Variants in SGCD observed in about 807,000 individuals in gnomAD.
SGCD encodes delta-sarcoglycan.
In SGCD, 18 loss-of-function variants were observed where a neutral mutation model predicts 36.6. The observed-to-expected ratio is 0.49, with a 90% CI of 0.34 to 0.73. The LOEUF (loss-of-function observed/expected upper bound fraction) is 0.73. Ranked by LOEUF, SGCD falls within the 30% of genes least tolerant of loss-of-function variation. SGCD has a pLI of 0.01. For missense variants in SGCD, 387 were observed against 346.7 expected (o/e 1.12, Z -0.92); for synonymous variants, 133 against 130.6 (o/e 1.02, Z -0.12).
chr5:155,813,409 C>A, the SGCD span, among the ~76,000 whole-genome samples: 3 of 152,106 alleles, frequency 2.0e-5, no homozygotes, highest in African/African-American at 7.2e-5. Flanking sequence ...AAGGCCTGCG[C>A]ATGCCTGAAT....
chr5:156,600,264 C>A (rs1488701701), intron 6 of SGCD, among the ~76,000 whole-genome samples: 1 of 152,136 alleles, frequency 6.6e-6, no homozygotes, highest in African/African-American at 2.4e-5. Flanking sequence ...CTTATTTCTC[C>A]TATCTAAATG....
At chr5:156,735,074 G>T (rs908283026) in intron 7 of SGCD, among the ~76,000 whole-genome samples, 5 of 152,160 alleles carry the variant, frequency 3.3e-5, no homozygotes, top group African/African-American at 9.7e-5. Flanking sequence ...GCTGCAGTTT[G>T]CTGGGGATCC....
rs1402541135 is a variant in SGCD at position 156,724,368 on chromosome 5, G to A, written c.576-33213G>A. Among the ~76,000 whole-genome samples, 3 of 152,348 alleles carry A rather than the reference G, an allele frequency of 2.0e-5. No individual in the cohort carries two copies. The East Asian group carries it at 5.8e-4, about 29-fold the overall frequency. On this transcript the variant is annotated intron_variant, in intron 7 of 8. Coordinates refer to ENST00000337851, the MANE Select transcript of SGCD (RefSeq NM_000337.6). ...GCCTGTAATCCCAGCACTTTGGGAG[G>A]CCGAGGCAGGCAGATCACGAGGTCA...
intron 4 of SGCD, among the ~76,000 whole-genome samples, chr5:156,511,610 A>G (rs1049068005): frequency 5.9e-5 from 9 of 152,108 alleles, no homozygotes; most frequent in Admixed American, 1.3e-4. Flanking sequence ...CTCAGATGTC[A>G]CCTGTTTAGA....
At chr5:155,997,046 C>T (rs1368738025) in intron 1 of SGCD, among the ~76,000 whole-genome samples, 2 of 152,056 alleles carry the variant, frequency 1.3e-5, no homozygotes, top group Admixed American at 6.6e-5. Context: ...TTTGGAAGGA[C>T]TTAACATTTG....
chr5:156,313,611 C>T (rs1767444981), intron 3 of SGCD, among the ~76,000 whole-genome samples: 1 of 152,006 alleles, frequency 6.6e-6, no homozygotes, highest in Non-Finnish European at 1.5e-5. Context: ...ATCTAAGTAC[C>T]TCCGAATGTC....
intron 3 of SGCD, among the ~76,000 whole-genome samples, chr5:156,411,196 G>T (rs1232087073): frequency 6.6e-6 from 1 of 152,128 alleles, no homozygotes; most frequent in Non-Finnish European, 1.5e-5. Flanking sequence ...TTCATAGCTC[G>T]TGAACCATCT....
At chr5:155,822,405 T>C in the SGCD span, among the ~76,000 whole-genome samples, 32 of 152,312 alleles carry the variant, frequency 2.1e-4, no homozygotes, top group Non-Finnish European at 4.4e-5. Context: ...TGCAGGCTGC[T>C]CACCTGTTCA....
In SGCD at chr5:156,087,454, C is replaced by T. The variant is rs151059033; in HGVS notation, c.-281-30424C>T. 1.7e-3 allele frequency among the ~76,000 whole-genome samples: 261 copies of T among 152,008 alleles called. 2 individuals carry two copies. Among genetic ancestry groups the T allele is most frequent in the African/African-American group, 6.0e-3 (247 of 41,450 alleles). On this transcript the variant is annotated intron_variant, in intron 1 of 9. Coordinates refer to the SGCD transcript ENST00000517913. ...AGGAGTTCGAGACCAGCCTCGCCAA[C>T]ATGGTGAAATCCCATATCTGCTAAA... is the stretch of plus-strand genomic sequence containing the variant.
intron 1 of SGCD, among the ~76,000 whole-genome samples, chr5:156,061,893 T>C (rs908979990): frequency 1.4e-5 from 2 of 142,232 alleles, no homozygotes; most frequent in East Asian, 3.9e-4. Flanking sequence ...GTAAAAGATA[T>C]TTGGTGATAA....
the SGCD span, among the ~76,000 whole-genome samples, chr5:155,800,685 A>G: frequency 6.6e-6 from 1 of 151,910 alleles, no homozygotes; most frequent in African/African-American, 2.4e-5. Flanking sequence ...AGCCCTTTCA[A>G]TTTTCAGCTG....
the SGCD span, among the ~76,000 whole-genome samples, chr5:155,834,981 A>G: frequency 3.6e-5 from 5 of 139,082 alleles, no homozygotes; most frequent in Admixed American, 2.9e-4. Flanking sequence ...GATTAAAGGC[A>G]TGTGCCACCA....
intron 3 of SGCD, among the ~76,000 whole-genome samples, chr5:156,464,216 A>ATTTTTTT (rs773294916): frequency 8.6e-6 from 1 of 116,294 alleles, no homozygotes; most frequent in Admixed American, 9.7e-5. Context: ...GAATCTACAT[A>ATTTTTTT]TTTTTTTTTT....
chr5:156,559,442 C>T (rs181537398), intron 4 of SGCD, among the ~76,000 whole-genome samples: 4 of 152,252 alleles, frequency 2.6e-5, no homozygotes, highest in Non-Finnish European at 4.4e-5. Context: ...AAACAAAAAA[C>T]GTACACTGTC....
At chr5:156,195,892 C>T (rs985248) in intron 3 of SGCD, among the ~76,000 whole-genome samples, 152,214 of 152,292 alleles carry the variant, frequency 1, 76,068 homozygotes, top group Middle Eastern at 1. Flanking sequence ...AGTTGATTCC[C>T]GTATCTATTG....
chr5:155,771,222 C>T, the SGCD span, among the ~76,000 whole-genome samples: 1 of 151,824 alleles, frequency 6.6e-6, no homozygotes, highest in Admixed American at 6.6e-5. Flanking sequence ...TTGCAACTCT[C>T]ATTTTGCTGG....
chr5:156,027,563 G>A (rs1016291552), intron 1 of SGCD, among the ~76,000 whole-genome samples: 1 of 152,066 alleles, frequency 6.6e-6, no homozygotes, highest in Non-Finnish European at 1.5e-5. Flanking sequence ...TGACAGGGGA[G>A]GTGGGGTGGA....
chr5:156,290,026 A>G (rs920064971), intron 3 of SGCD, among the ~76,000 whole-genome samples: 6 of 152,186 alleles, frequency 3.9e-5, no homozygotes, highest in Non-Finnish European at 7.3e-5. Flanking sequence ...GAATGGTTGA[A>G]TACTGGAAAG....
rs547509070 is a variant in SGCD, at chr5:156,458,458, A to G, written c.193-50143A>G. ...GGGTCAAACCCTGATTCCCATCCCCATGGCAGCTCATCCCCAACACAGTCA... is the reference window on the plus strand; with the variant it reads ...GGGTCAAACCCTGATTCCCATCCCCGTGGCAGCTCATCCCCAACACAGTCA... On this transcript the variant is annotated intron_variant, in intron 3 of 8. Transcript: ENST00000337851. 6.8e-5 allele frequency: 109 copies of G among 1,610,428 alleles called. 1 individual carries two copies. Among genetic ancestry groups the G allele is most frequent in the Middle Eastern group, 3.3e-4 (2 of 6,060 alleles).
Sources: gnomAD v4.1 joint callset for allele counts (sites outside exome capture counted in the v4.1 genomes callset) on GRCh38, gnomAD v4.1.1 for gene constraint, MANE v1.5 for transcripts, NCBI Gene and HGNC (gene_info 2026-07-23, HGNC 2026-07-21) for gene names.